Variants in ZC3H13 observed in about 807,000 individuals in gnomAD.
ZC3H13 encodes the protein zinc finger CCCH-type containing 13, also known as zinc finger CCCH domain-containing protein 13.
ZC3H13 carries 64 observed loss-of-function variants against 204.1 expected under a neutral mutation model. The observed-to-expected ratio is 0.31, with a 90% CI of 0.26 to 0.39. The LOEUF (loss-of-function observed/expected upper bound fraction) is 0.39, where lower values mean the gene tolerates loss of function less well. ZC3H13 is among the 10% of genes least tolerant of loss of function. ZC3H13 has a pLI of 1.00. For synonymous variants in ZC3H13, 667 were observed against 693.7 expected (o/e 0.96, Z 0.60); for missense variants, 1,833 against 2,082.7 (o/e 0.88, Z 2.33).
intron 15 of ZC3H13, among the ~76,000 whole-genome samples, chr13:45,965,803 T>C (rs1952030574): frequency 6.6e-6 from 1 of 152,164 alleles, no homozygotes; most frequent in South Asian, 2.1e-4. Flanking sequence ...ATTTTGAAGT[T>C]ATATTTTCAA....
At chr13:45,999,993 T>C (rs183989643) in intron 8 of ZC3H13, among the ~76,000 whole-genome samples, 1 of 152,246 alleles carries the variant, frequency 6.6e-6, no homozygotes, top group Non-Finnish European at 1.5e-5. Flanking sequence ...TCTTTTCTTC[T>C]GAGCAATAGG....
At chr13:45,996,199 A>T (rs569430255) in intron 8 of ZC3H13, among the ~76,000 whole-genome samples, 1 of 152,360 alleles carries the variant, frequency 6.6e-6, no homozygotes, top group Non-Finnish European at 1.5e-5. Context: ...TACTAATATA[A>T]GTGAGTACAC....
chr13:46,048,191 C>G (rs1338500285), intron 1 of ZC3H13, among the ~76,000 whole-genome samples: 1 of 152,146 alleles, frequency 6.6e-6, no homozygotes, highest in African/African-American at 2.4e-5. Flanking sequence ...TCTGGTCTGT[C>G]CTCTGTTGCC....
chr13:46,030,779 C>T (rs1483568281), intron 4 of ZC3H13, among the ~76,000 whole-genome samples: 1 of 152,034 alleles, frequency 6.6e-6, no homozygotes, highest in Non-Finnish European at 1.5e-5. Flanking sequence ...AGGAAAATTA[C>T]AAAATTGATT....
At chr13:45,997,504 C>A (rs1324722469) in intron 8 of ZC3H13, among the ~76,000 whole-genome samples, 5 of 152,136 alleles carry the variant, frequency 3.3e-5, no homozygotes, top group Non-Finnish European at 7.4e-5. Flanking sequence ...AACTTGTAGA[C>A]CCCTAAAATC....
At position 45,956,990 on chromosome 13, in the gene ZC3H13, A is replaced by C. The variant is rs959934621; in HGVS notation, c.*137T>G. ...CAAAACTAGTGTCTCTAAAGATCAA[A>C]ATTCTTCACTCTTTTAGCATGGCTG... On this transcript the variant is annotated 3_prime_UTR_variant, in exon 19 of 19. Transcript: ENST00000679008. 189 of 827,164 alleles carry C rather than the reference A, an allele frequency of 2.3e-4. No individual in the cohort carries two copies. Among genetic ancestry groups the C allele is most frequent in the Non-Finnish European group, 2.7e-4 (166 of 609,430 alleles). The allele number at this position is 827,164 out of a possible 1,614,324, so 51.2% of individuals were successfully genotyped here.
intron 12 of ZC3H13, among the ~76,000 whole-genome samples, chr13:45,974,876 C>T (rs953577222): frequency 4.0e-5 from 6 of 150,270 alleles, no homozygotes; most frequent in African/African-American, 1.5e-4. Flanking sequence ...TTTCCTGAGA[C>T]AAGGTCTCGA....
In ZC3H13 at chr13:46,012,135, T is replaced by G. The variant is rs2041606169; in HGVS notation, c.449-581A>C. On this transcript the variant is annotated intron_variant, in intron 5 of 18. Coordinates refer to ENST00000679008, the MANE Select transcript of ZC3H13 (RefSeq NM_001330564.2). ...TATGACATTTTCTTTACAAGTGATT[T>G]GTACTATTTCCTTAGATCACAACTG... Among the ~76,000 whole-genome samples the G allele has an allele frequency of 2.0e-5, 3 of 152,362 alleles. 1 individual carries two copies. The highest frequency in any genetic ancestry group is 4.1e-4 in the South Asian group (2 of 4,828).
At chr13:46,038,796 G>A (rs1466714969) in intron 4 of ZC3H13, among the ~76,000 whole-genome samples, 1 of 152,194 alleles carries the variant, frequency 6.6e-6, no homozygotes, top group Non-Finnish European at 1.5e-5. Flanking sequence ...GCTGAGGCAG[G>A]TGGATCACAA....
Position 45,979,907 on chromosome 13 carries a change from A to G in ZC3H13, c.1818T>C (p.Asp606=), listed in dbSNP as rs920548097. The change falls in exon 11 of 19, where the codon GAT becomes GAC. Residue 606 remains aspartate, a synonymous_variant. Transcript: ENST00000679008. ...CTCTGTTGTCTCTTTCAGGATATCT[A>G]TCTCTTTCAGGATAGCTACTTCGAG... is the stretch of plus-strand genomic sequence containing the variant. ...WETRSSYPER[D]RYPERDNRDQ... 1 of 1,612,624 alleles carries G rather than the reference A, an allele frequency of 6.2e-7. No homozygotes were observed. The highest frequency in any genetic ancestry group is 1.7e-5 in the Admixed American group (1 of 59,906).
At position 46,010,490 on chromosome 13, in the gene ZC3H13, C is replaced by A; in HGVS notation, c.604G>T (p.Val202Phe). Residue 202 changes from valine (V) to phenylalanine (F), a missense_variant, in exon 7 of 19, where the codon GTT becomes TTT. By Grantham distance (50) the Val-to-Phe change is conservative (BLOSUM62 -1). This residue lies in a region of ZC3H13 where 1,574 missense variants were observed against 1,757.2 expected (regional missense o/e 0.90). Transcript: ENST00000679008. ...IIKKEVSPEV[V>F]RSKLSPSPSL... ...GGTGACGGGGACAATTTTGATCTAA[C>A]CACTTCTGGTGAAACCTTTAAAAAA... 6.2e-7 allele frequency: 1 copy of A among 1,612,594 alleles called. No homozygotes were observed. The highest frequency in any genetic ancestry group is 8.5e-7 in the Non-Finnish European group (1 of 1,178,874).
intron 4 of ZC3H13, among the ~76,000 whole-genome samples, chr13:46,035,586 C>T (rs2043162658): frequency 1.3e-5 from 2 of 152,184 alleles, no homozygotes. Flanking sequence ...TACTCTTATC[C>T]TTCTAAGCCT....
chr13:45,967,388 T>C, intron 15 of ZC3H13, 116 bp downstream of exon 15: 1 of 1,156,988 alleles, frequency 8.6e-7, no homozygotes, highest in Non-Finnish European at 1.2e-6. Context: ...TATAGAAGAA[T>C]GGAGAATGGA....
intron 8 of ZC3H13, among the ~76,000 whole-genome samples, chr13:46,001,776 A>G (rs1423699151): frequency 1.7e-4 from 2 of 11,902 alleles, no homozygotes; most frequent in Non-Finnish European, 2.8e-4. Flanking sequence ...AATCACCAAA[A>G]ACATTTATTA....
At chr13:45,961,569 G>A (rs1273592401) in intron 17 of ZC3H13, among the ~76,000 whole-genome samples, 4 of 74,630 alleles carry the variant, frequency 5.4e-5, no homozygotes, top group Non-Finnish European at 1.0e-4. Flanking sequence ...TGGGGGTGGG[G>A]AGATGTGGGG....
chr13:45,984,733 G>C (rs913824194), intron 10 of ZC3H13, among the ~76,000 whole-genome samples: 1 of 152,172 alleles, frequency 6.6e-6, no homozygotes, highest in African/African-American at 2.4e-5. Flanking sequence ...TGGAGGTAAA[G>C]AGAGGTCATG....
intron 18 of ZC3H13, among the ~76,000 whole-genome samples, chr13:45,958,836 A>G (rs1301501415): frequency 6.6e-6 from 1 of 151,686 alleles, no homozygotes; most frequent in Non-Finnish European, 1.5e-5. Flanking sequence ...TTGTATTTTT[A>G]GTAGAGACAG....
Position 45,975,600 on chromosome 13 carries a change from T to G in ZC3H13, c.2151A>C (p.Arg717Ser), listed in dbSNP as rs1952970699. 1.3e-6 allele frequency: 2 copies of G among 1,568,466 alleles called. No homozygotes were observed. Among genetic ancestry groups the G allele is most frequent in the South Asian group, 2.3e-5 (2 of 86,814 alleles). Reference sequence around the variant, plus strand: ...CACGATCTCTCTCTTTTTCTCTTTCTCTCTCCCGTTCCCTAGCACGCTCTC... The same window carrying G: ...CACGATCTCTCTCTTTTTCTCTTTCGCTCTCCCGTTCCCTAGCACGCTCTC... ...LERERARERE[R>S]EREKERDRER... is the part of the protein sequence containing the mutation. The change falls in exon 12 of 19, where the codon AGA (arginine) becomes AGC (serine). Residue 717 changes from arginine to serine, a missense_variant. Transcript: ENST00000679008.
chr13:46,000,586 T>C (rs1439260048), intron 8 of ZC3H13, among the ~76,000 whole-genome samples: 1 of 152,260 alleles, frequency 6.6e-6, no homozygotes, highest in Non-Finnish European at 1.5e-5. Flanking sequence ...AGGAATGTTG[T>C]GGCTGATTTC....
Sources: allele counts gnomAD v4.1 joint callset (sites outside exome capture counted in the v4.1 genomes callset), GRCh38; gene constraint gnomAD v4.1.1; regional missense constraint gnomAD v4.1.1; transcripts MANE v1.5; gene names NCBI Gene and HGNC (gene_info 2026-07-23, HGNC 2026-07-21).